PLEKHG6: variants seen among roughly 807,000 people sequenced by gnomAD.
The protein encoded by PLEKHG6 is pleckstrin homology domain-containing family G member 6.
A neutral mutation model predicts 97.5 loss-of-function variants in PLEKHG6; 91 were observed. The ratio of observed to expected loss-of-function variants is 0.93; its 90% CI spans 0.79 to 1.11. PLEKHG6 has a LOEUF of 1.11. Among genes scored for constraint, PLEKHG6 ranks in the 50% most tolerant of loss-of-function variants. The pLI, the probability that PLEKHG6 is intolerant of heterozygous loss-of-function variation, is 0.00. For synonymous variants in PLEKHG6, 466 were observed against 425.5 expected (o/e 1.10, Z -1.17); for missense variants, 1,044 against 1,031.0 (o/e 1.01, Z -0.17).
At chr12:6,319,453 GA>G (rs1183010559) in intron 13 of PLEKHG6, 807 of 1,224,748 alleles carry the variant, frequency 6.6e-4, no homozygotes, top group South Asian at 1.2e-3. Context: ...GAAGAAGAAG[GA>G]AAAAAAAAAG....
rs771338437 is a variant in PLEKHG6, at chr12:6,318,438, A to G, written c.1275+18A>G. ...AAGGGAAGGTGAGGGTGCTGCGGACAGAGTGGAGGGGATGGGGCACGGTGG... is the reference window on the plus strand; with the variant it reads ...AAGGGAAGGTGAGGGTGCTGCGGACGGAGTGGAGGGGATGGGGCACGGTGG... On this transcript the variant is annotated intron_variant, in intron 11 of 15. Transcript: ENST00000684764. The G allele has an allele frequency of 1.3e-6, 2 of 1,591,046 alleles. No homozygotes were observed. The highest frequency in any genetic ancestry group is 1.7e-6 in the Non-Finnish European group (2 of 1,170,106).
At position 6,318,944 on chromosome 12, in the gene PLEKHG6, C is replaced by T. The variant is rs202106218; in HGVS notation, c.1409-49C>T. The stretch of plus-strand genomic sequence containing the variant: ...CAGCGAGGGGAAGGAGGAGCTGGGA[C>T]GGAGATCAAATAAAGGCTGGCCTCT... On this transcript the variant is annotated intron_variant, in intron 12 of 15. Coordinates refer to ENST00000684764, the MANE Select transcript of PLEKHG6 (RefSeq NM_001384598.1). 1,826 of 1,611,356 alleles carry T rather than the reference C, an allele frequency of 1.1e-3. 4 individuals are homozygous for T. Among genetic ancestry groups the T allele is most frequent in the Admixed American group, 2.2e-3 (132 of 59,970 alleles).
intron 13 of PLEKHG6, 65 bp downstream of exon 13, chr12:6,319,173 A>C: frequency 9.5e-7 from 1 of 1,057,820 alleles, no homozygotes; most frequent in Non-Finnish European, 1.4e-6. Flanking sequence ...ATGGGAGCAC[A>C]GTGGTGGATC....
In PLEKHG6 at chr12:6,318,297, T is replaced by G; in HGVS notation, c.1156-4T>G. The G allele has an allele frequency of 6.2e-7, 1 of 1,613,946 alleles. No individual in the cohort carries two copies. Among genetic ancestry groups the G allele is most frequent in the South Asian group, 1.1e-5 (1 of 91,072 alleles). On this transcript the variant is annotated splice_region_variant and splice_polypyrimidine_tract_variant and intron_variant, in intron 10 of 15. Coordinates refer to ENST00000684764, the MANE Select transcript of PLEKHG6 (RefSeq NM_001384598.1). ...CCCTGACCCCTCCCCTCTGTGTCCCTCAGAACCTGCGCCCATTCTCCACCC... is the reference window on the plus strand; with the variant it reads ...CCCTGACCCCTCCCCTCTGTGTCCCGCAGAACCTGCGCCCATTCTCCACCC...
At chr12:6,328,077 C>T (rs1947939051) in intron 15 of PLEKHG6, 59 bp from the exon 16 acceptor site, 11 of 1,610,408 alleles carry the variant, frequency 6.8e-6, no homozygotes, top group African/African-American at 1.3e-5. Context: ...CCTCACTCTT[C>T]ACCTGACCCT....
At chr12:6,319,498 G>A (rs144829501) in intron 13 of PLEKHG6, 5 of 1,468,676 alleles carry the variant, frequency 3.4e-6, no homozygotes, top group Middle Eastern at 3.5e-4. Flanking sequence ...GAATGAACAT[G>A]GGAGCGCAGA....
In PLEKHG6 at chr12:6,313,761, C is replaced by G; in HGVS notation, c.271C>G (p.Leu91Val). Residue 91 changes from leucine to valine, a missense_variant, in exon 3 of 16, where the codon CTG (leucine) becomes GTG (valine). Leu to Val is a conservative substitution (Grantham distance 32, BLOSUM62 1). Coordinates refer to ENST00000684764, the MANE Select transcript of PLEKHG6 (RefSeq NM_001384598.1). The part of the protein sequence containing the change: ...KRHGGHVGAG[L>V]LHSPKLKELT... ...GCACGGGGGCCATGTGGGGGCTGGCCTGCTTCACTCCCCCAAACTCAAGGT... is the reference window on the plus strand; with the variant it reads ...GCACGGGGGCCATGTGGGGGCTGGCGTGCTTCACTCCCCCAAACTCAAGGT... 3 of 1,595,368 alleles carry G rather than the reference C, an allele frequency of 1.9e-6. No homozygotes were observed. The highest frequency in any genetic ancestry group is 2.6e-6 in the Non-Finnish European group (3 of 1,170,812).
intron 1 of PLEKHG6, chr12:6,311,207 C>T (rs374640611): frequency 5.9e-5 from 9 of 152,468 alleles, no homozygotes; most frequent in African/African-American, 2.2e-4. Flanking sequence ...CAGGCCCTGC[C>T]CACTCGAGGG....
At chr12:6,322,712 C>A (rs1001407308) in intron 13 of PLEKHG6, among the ~76,000 whole-genome samples, 13 of 152,008 alleles carry the variant, frequency 8.6e-5, no homozygotes, top group African/African-American at 3.1e-4. Flanking sequence ...AAAACCCCAT[C>A]TTTACAAAAA....
intron 3 of PLEKHG6, among the ~76,000 whole-genome samples, chr12:6,314,454 C>T (rs1947381836): frequency 6.6e-6 from 1 of 152,044 alleles, no homozygotes. Context: ...TTGCAGTGAG[C>T]CGAGATTGCG....
chr12:6,317,453 T>C, intron 8 of PLEKHG6, 40 bp downstream of exon 8: 1 of 1,609,010 alleles, frequency 6.2e-7, no homozygotes, highest in African/African-American at 1.3e-5. Context: ...GGGTGCATCT[T>C]AGCCGGCCGG....
At chr12:6,321,524 AAGG>A (rs1457132354) in intron 13 of PLEKHG6, among the ~76,000 whole-genome samples, 8 of 152,106 alleles carry the variant, frequency 5.3e-5, no homozygotes, top group Non-Finnish European at 1.0e-4. Context: ...ACAAAAAACA[AAGG>A]AGAAGAAAGG....
chr12:6,318,898 G>A, intron 12 of PLEKHG6, 21 bp downstream of exon 12: 2 of 1,614,160 alleles, frequency 1.2e-6, no homozygotes, highest in Non-Finnish European at 1.7e-6. Flanking sequence ...CCTTCAGGGA[G>A]TCTTTTCTTC....
Position 6,327,758 on chromosome 12 carries a change from T to C in PLEKHG6, c.2175T>C (p.Ala725=), listed in dbSNP as rs144462715. 19 of 1,543,942 alleles carry C rather than the reference T, an allele frequency of 1.2e-5. No individual in the cohort carries two copies. The highest frequency in any genetic ancestry group is 1.7e-5 in the Non-Finnish European group (19 of 1,149,194). The change falls in exon 15 of 16, where the codon GCT becomes GCC. Residue 725 remains alanine (A), a synonymous_variant. Transcript: ENST00000684764. ...EEEEGPLFLK[A]GHTSLRPMRA... The stretch of plus-strand genomic sequence containing the variant: ...AAGAGGGGCCTCTGTTCCTGAAAGC[T>C]GGCCACACATCCCTGCGCCCAATGC...
chr12:6,324,604 G>T (rs1259615658), intron 13 of PLEKHG6, among the ~76,000 whole-genome samples: 1 of 152,110 alleles, frequency 6.6e-6, no homozygotes, highest in African/African-American at 2.4e-5. Context: ...CCCGGCCCTG[G>T]CAGGTTTCCT....
Position 6,312,383 on chromosome 12 carries a change from C to T in PLEKHG6, c.138+19C>T, listed in dbSNP as rs1947302311. The stretch of plus-strand genomic sequence containing the variant: ...TGTGCTGGTGAGTCCAGGCTGTGCC[C>T]CAAAAGTGACCTGGTGGGGCAGGAG... On this transcript the variant is annotated intron_variant, in intron 2 of 15. Coordinates refer to ENST00000684764, the MANE Select transcript of PLEKHG6 (RefSeq NM_001384598.1). The T allele has an allele frequency of 6.4e-7, 1 of 1,562,500 alleles. No individual in the cohort carries two copies.
intron 2 of PLEKHG6, among the ~76,000 whole-genome samples, 162 bp from the exon 3 acceptor site, chr12:6,313,467 C>T (rs1334221916): frequency 1.3e-5 from 2 of 152,204 alleles, no homozygotes; most frequent in East Asian, 3.9e-4. Flanking sequence ...TGACTCAGGG[C>T]AGGAGCAGTC....
rs778583531 is a variant in PLEKHG6, at chr12:6,317,863, G to A, written c.1024G>A (p.Ala342Thr). The change falls in exon 10 of 16, where the codon GCC becomes ACC. Residue 342 changes from alanine to threonine, a missense_variant. Ala to Thr is a moderately conservative substitution (Grantham distance 58, BLOSUM62 0). Coordinates refer to ENST00000684764, the MANE Select transcript of PLEKHG6 (RefSeq NM_001384598.1). Reference sequence around the variant, plus strand: ...CACCCCCAACCCCACCTAGATTGAAGCCGTGGAGTCATTCCTGCGACACAT... The same window carrying A: ...CACCCCCAACCCCACCTAGATTGAAACCGTGGAGTCATTCCTGCGACACAT... ...AQEALNAMIE[A>T]VESFLRHING... 3 of 1,553,352 alleles carry A rather than the reference G, an allele frequency of 1.9e-6. No homozygotes were observed. Among genetic ancestry groups the A allele is most frequent in the Non-Finnish European group, 2.6e-6 (3 of 1,147,870 alleles).
chr12:6,316,120 C>A lies in PLEKHG6; in HGVS notation c.607-135C>A. ...TCAGACTGACATCCTTGAGATCTTC[C>A]AGGCCCAGTGCCCAGTTCATCCTTC... On this transcript the variant is annotated intron_variant, in intron 6 of 15. Transcript: ENST00000684764. The surrounding 1 kb of genome is among the most constrained non-coding windows in gnomAD (Gnocchi z 4.1). The A allele has an allele frequency of 1.0e-6, 1 of 963,984 alleles. No individual in the cohort carries two copies. Among genetic ancestry groups the A allele is most frequent in the Non-Finnish European group, 1.5e-6 (1 of 660,452 alleles). The allele number at this position is 963,984 out of a possible 1,614,324, so 59.7% of individuals were successfully genotyped here.
Sources: allele counts gnomAD v4.1 joint callset (sites outside exome capture counted in the v4.1 genomes callset), GRCh38; gene constraint gnomAD v4.1.1; non-coding constraint Gnocchi (gnomAD v3.1); transcripts MANE v1.5; gene names NCBI Gene and HGNC (gene_info 2026-07-23, HGNC 2026-07-21).